The following AS3MT variants were observed in gnomAD, a reference collection of about 807,000 sequenced individuals.
The protein encoded by AS3MT is S-adenosyl-L-methionine:arsenic(III) methyltransferase.
In AS3MT, 47 loss-of-function variants were observed where a neutral mutation model predicts 45.3. That is an observed-to-expected ratio of 1.04 (90% CI 0.82 to 1.32). The LOEUF (loss-of-function observed/expected upper bound fraction) is 1.32, where lower values mean the gene tolerates loss of function less well. Among genes scored for constraint, AS3MT ranks in the 40% most tolerant of loss-of-function variants. The pLI, the probability that AS3MT is intolerant of heterozygous loss-of-function variation, is 0.00. For missense variants in AS3MT, 396 were observed against 451.1 expected (o/e 0.88, Z 1.11); for synonymous variants, 141 against 152.8 (o/e 0.92, Z 0.57).
chr10:102,892,721 A>T (rs1845091238), intron 10 of AS3MT, among the ~76,000 whole-genome samples: 1 of 152,122 alleles, frequency 6.6e-6, no homozygotes, highest in South Asian at 2.1e-4. Flanking sequence ...CAAGCCTGTA[A>T]TCCTAGCACT....
At chr10:102,886,470 A>G (rs1844959132) in intron 9 of AS3MT, among the ~76,000 whole-genome samples, 1 of 151,830 alleles carries the variant, frequency 6.6e-6, no homozygotes, top group African/African-American at 2.4e-5. Context: ...GATTACAGGC[A>G]TGCACCACCA....
intron 9 of AS3MT, among the ~76,000 whole-genome samples, chr10:102,882,299 A>C (rs1042841336): frequency 5.3e-5 from 8 of 149,632 alleles, no homozygotes; most frequent in Non-Finnish European, 8.9e-5. Flanking sequence ...CAATTCTCCC[A>C]CCTCAGCCTC....
At chr10:102,898,837 A>G (rs1295651911) in intron 10 of AS3MT, among the ~76,000 whole-genome samples, 1 of 152,142 alleles carries the variant, frequency 6.6e-6, no homozygotes, top group African/African-American at 2.4e-5. Flanking sequence ...TACAAATCCA[A>G]AGTCATACAG....
chr10:102,898,021 G>T (rs893700102), intron 10 of AS3MT, among the ~76,000 whole-genome samples: 3 of 152,134 alleles, frequency 2.0e-5, no homozygotes, highest in African/African-American at 7.2e-5. Flanking sequence ...TTTTGAAATG[G>T]GAATAAGTGA....
At position 102,873,214 on chromosome 10, in the gene AS3MT, G is replaced by A. The variant is rs1487092868; in HGVS notation, c.439G>A (p.Glu147Lys). The change falls in exon 5 of 11, where the codon GAG becomes AAG. Residue 147 changes from glutamate to lysine, a missense_variant. Physicochemically the swap from Glu to Lys is moderately conservative, Grantham distance 56 (BLOSUM62 1). Coordinates refer to ENST00000369880, the MANE Select transcript of AS3MT (RefSeq NM_020682.4). Reference protein sequence around the residue: ...EKLGEAGIKNESHDIVVSNCV... With the variant: ...EKLGEAGIKNKSHDIVVSNCV... ...GTTGGGAGAGGCTGGAATCAAGAAT[G>A]AGAGCCATGATATTGTTGTGTAGGT... 6.2e-7 allele frequency: 1 copy of A among 1,606,884 alleles called. No homozygotes were observed. The highest frequency in any genetic ancestry group is 8.5e-7 in the Non-Finnish European group (1 of 1,178,124).
intron 3 of AS3MT, among the ~76,000 whole-genome samples, chr10:102,870,839 C>G (rs946582915): frequency 4.6e-5 from 7 of 152,352 alleles, no homozygotes; most frequent in African/African-American, 9.6e-5. Flanking sequence ...ATGGAGCCTT[C>G]TCTAATCCTT....
intron 7 of AS3MT, among the ~76,000 whole-genome samples, chr10:102,877,530 A>C (rs549977839): frequency 1.3e-5 from 2 of 149,874 alleles, no homozygotes; most frequent in Non-Finnish European, 3.0e-5. Flanking sequence ...GTAATAATAA[A>C]TAGGTACCGT....
rs1844654920 is a variant in AS3MT at position 102,870,209 on chromosome 10, A to G, written c.168A>G (p.Leu56=). 1 of 1,614,002 alleles carries G rather than the reference A, an allele frequency of 6.2e-7. No individual in the cohort carries two copies. Among genetic ancestry groups the G allele is most frequent in the South Asian group, 1.1e-5 (1 of 91,086 alleles). Residue 56 remains leucine (L), a splice_region_variant and synonymous_variant, in exon 3 of 11, where the codon CTA becomes CTG. Coordinates refer to ENST00000369880, the MANE Select transcript of AS3MT (RefSeq NM_020682.4). ...AAAATGTACACGAAGAAGTAGCCCT[A>G]AGGTAGAGTGCCCTGTGCTGTCCCC... ...ALQNVHEEVA[L]RYYGCGLVIP...
intron 10 of AS3MT, among the ~76,000 whole-genome samples, chr10:102,896,676 G>T (rs762262758): frequency 3.3e-5 from 5 of 152,092 alleles, no homozygotes; most frequent in African/African-American, 9.7e-5. Flanking sequence ...GGGCGTGGTG[G>T]CATGCGCCTG....
intron 10 of AS3MT, among the ~76,000 whole-genome samples, chr10:102,895,656 G>C (rs568868296): frequency 6.6e-6 from 1 of 152,130 alleles, no homozygotes; most frequent in Non-Finnish European, 1.5e-5. Context: ...TAGCTTTGCC[G>C]GGTGTGGTGG....
chr10:102,892,511 A>G lies in AS3MT; in HGVS notation c.1020+1833A>G, dbSNP rs372603245. Among the ~76,000 whole-genome samples the G allele has an allele frequency of 6.6e-5, 10 of 152,216 alleles. No individual in the cohort carries two copies. The East Asian group carries it at 1.7e-3, about 27-fold the overall frequency. On this transcript the variant is annotated intron_variant, in intron 10 of 10. Coordinates refer to ENST00000369880, the MANE Select transcript of AS3MT (RefSeq NM_020682.4). ...AATAAGGGACTCTGCCTCCTGGGTTATTATGTGTGTGGCACCTTTTCATCC... is the reference window on the plus strand; with the variant it reads ...AATAAGGGACTCTGCCTCCTGGGTTGTTATGTGTGTGGCACCTTTTCATCC...
In AS3MT at chr10:102,900,852, G is replaced by A. The variant is rs960344692; in HGVS notation, c.*152G>A. 1 of 560,720 alleles carries A rather than the reference G, an allele frequency of 1.8e-6. No homozygotes were observed. Among genetic ancestry groups the A allele is most frequent in the Non-Finnish European group, 3.2e-6 (1 of 316,706 alleles). 34.7% of individuals were successfully genotyped at this position (560,720 alleles called of 1,614,324 possible). A position where few individuals can be genotyped will look rare whatever the true frequency, so the allele number is the denominator to read the frequency against. On this transcript the variant is annotated 3_prime_UTR_variant, in exon 11 of 11. Coordinates refer to ENST00000369880, the MANE Select transcript of AS3MT (RefSeq NM_020682.4). ...TAATCCCAGCACTTTGGGAGGCCGA[G>A]GCAGGCAGATCACCTGAGGTCAGGA...
intron 9 of AS3MT, among the ~76,000 whole-genome samples, chr10:102,889,390 T>A (rs1047216627): frequency 6.6e-6 from 1 of 152,164 alleles, no homozygotes; most frequent in Non-Finnish European, 1.5e-5. Flanking sequence ...GTTCCATGCA[T>A]CTTGCTGCAA....
chr10:102,892,566 C>T (rs11191447), intron 10 of AS3MT, among the ~76,000 whole-genome samples: 14,572 of 151,990 alleles, frequency 0.096, 895 homozygotes, highest in East Asian at 0.27. Flanking sequence ...TCCTGCTTCT[C>T]GTAGAATGAA....
At chr10:102,878,338 G>A (rs749795931) in intron 7 of AS3MT, 41 bp from the exon 8 acceptor site, 3 of 1,606,724 alleles carry the variant, frequency 1.9e-6, no homozygotes, top group South Asian at 1.1e-5. Flanking sequence ...TGTATTAAGT[G>A]TTGGCTGGTC....
Position 102,888,870 on chromosome 10 carries a change from TATATA to T in AS3MT, c.886-1673_886-1669del, listed in dbSNP as rs1365967240. On this transcript the variant is annotated intron_variant, in intron 9 of 10. Coordinates refer to ENST00000369880, the MANE Select transcript of AS3MT (RefSeq NM_020682.4). ...CAAACCCTATATATATATATATATATATATATATATATTTTTTTTTTTTTTTTTGA... is the reference window on the plus strand; with the variant it reads ...CAAACCCTATATATATATATATATATTATATATTTTTTTTTTTTTTTTTGA... 1.6e-3 allele frequency among the ~76,000 whole-genome samples: 140 copies of T among 88,226 alleles called. 1 individual carries two copies. Among genetic ancestry groups the T allele is most frequent in the African/African-American group, 4.0e-3 (88 of 21,918 alleles). The allele number at this position is 88,226 out of a possible 152,430, so 57.9% of individuals were successfully genotyped here. A position where few individuals can be genotyped will look rare whatever the true frequency, so the allele number is the denominator to read the frequency against.
chr10:102,892,850 T>G (rs1440000703), intron 10 of AS3MT, among the ~76,000 whole-genome samples: 2 of 151,714 alleles, frequency 1.3e-5, no homozygotes, highest in Non-Finnish European at 2.9e-5. Flanking sequence ...CATGGTGGCG[T>G]GCGCCTGTAG....
At chr10:102,892,089 C>A (rs1682943180) in intron 10 of AS3MT, among the ~76,000 whole-genome samples, 1 of 151,738 alleles carries the variant, frequency 6.6e-6, no homozygotes, top group Non-Finnish European at 1.5e-5. Flanking sequence ...TATTTCTTGG[C>A]TACAATAACC....
chr10:102,876,852 T>C (rs1844791616), intron 6 of AS3MT, 102 bp from the exon 7 acceptor site: 4 of 1,174,002 alleles, frequency 3.4e-6, no homozygotes, highest in South Asian at 2.6e-5. Flanking sequence ...AACATTGCTA[T>C]TGATTTTTAA....
Sources: gnomAD v4.1 joint callset for allele counts (sites outside exome capture counted in the v4.1 genomes callset) on GRCh38, gnomAD v4.1.1 for gene constraint, MANE v1.5 for transcripts, NCBI Gene and HGNC (gene_info 2026-07-23, HGNC 2026-07-21) for gene names.